Variants in PLXNA4 observed in about 807,000 individuals in gnomAD.
PLXNA4 encodes the protein plexin A4.
In PLXNA4, 44 loss-of-function variants were observed where a neutral mutation model predicts 191.8. That is an observed-to-expected ratio of 0.23 (90% confidence interval 0.18 to 0.29). The LOEUF (loss-of-function observed/expected upper bound fraction) is 0.29, where lower values mean the gene tolerates loss of function less well. PLXNA4 is among the 10% of genes least tolerant of loss of function. The pLI, the probability that PLXNA4 is intolerant of heterozygous loss-of-function variation, is 1.00. For synonymous variants in PLXNA4, 1,082 were observed against 1,009.5 expected (o/e 1.07, Z -1.36); for missense variants, 1,800 against 2,488.8 (o/e 0.72, Z 5.89).
At chr7:132,419,019 C>T (rs1053794559) in intron 3 of PLXNA4, among the ~76,000 whole-genome samples, 1 of 152,176 alleles carries the variant, frequency 6.6e-6, no homozygotes, top group Non-Finnish European at 1.5e-5. Flanking sequence ...GTACAGGCAC[C>T]GTCTCCTTGT....
intron 4 of PLXNA4, among the ~76,000 whole-genome samples, chr7:132,276,965 A>G (rs144020709): frequency 3.3e-5 from 5 of 152,206 alleles, no homozygotes; most frequent in African/African-American, 7.2e-5. Flanking sequence ...TCGTGGGGAG[A>G]ACAGCCATAT....
In PLXNA4 at chr7:132,354,544, G is replaced by A. The variant is rs149977130; in HGVS notation, c.1372-56322C>T. ...ATCATCAGCGCTATTTAGCTCTAACGCAGGTAGGTCACTGGAGTAGGGGCA... is the reference window on the plus strand; with the variant it reads ...ATCATCAGCGCTATTTAGCTCTAACACAGGTAGGTCACTGGAGTAGGGGCA... On this transcript the variant is annotated intron_variant, in intron 3 of 31. Transcript: ENST00000321063. 3.9e-5 allele frequency among the ~76,000 whole-genome samples: 6 copies of A among 152,268 alleles called. No homozygotes were observed. The East Asian group carries it at 7.7e-4, about 20-fold the overall frequency.
At chr7:132,547,393 A>C (rs910967618) in intron 1 of PLXNA4, among the ~76,000 whole-genome samples, 2 of 151,518 alleles carry the variant, frequency 1.3e-5, no homozygotes, top group Non-Finnish European at 2.9e-5. Flanking sequence ...GCTTTCTTAA[A>C]CCCCCCCACA....
intron 25 of PLXNA4, among the ~76,000 whole-genome samples, chr7:132,152,361 C>G (rs60997765): frequency 0.036 from 5,513 of 152,296 alleles, 171 homozygotes; most frequent in African/African-American, 0.082. Flanking sequence ...AAGGCCAGCA[C>G]CCTGGTCCCC....
intron 1 of PLXNA4, among the ~76,000 whole-genome samples, chr7:132,521,899 T>A (rs1799203020): frequency 6.6e-6 from 1 of 152,134 alleles, no homozygotes; most frequent in African/African-American, 2.4e-5. Flanking sequence ...GCCCTCTTCC[T>A]TTTTCAGGTG....
At chr7:132,327,847 C>T (rs1802432565) in intron 3 of PLXNA4, among the ~76,000 whole-genome samples, 1 of 152,170 alleles carries the variant, frequency 6.6e-6, no homozygotes, top group Admixed American at 6.5e-5. Context: ...GAGAGATTTT[C>T]AGCAAGTCCT....
intron 3 of PLXNA4, among the ~76,000 whole-genome samples, chr7:132,414,537 C>A (rs1794586754): frequency 1.3e-5 from 2 of 152,084 alleles, no homozygotes; most frequent in Non-Finnish European, 1.5e-5. Context: ...AAAAAAATAT[C>A]CACACAGAGG....
At chr7:132,486,574 C>T (rs1258124134) in intron 3 of PLXNA4, among the ~76,000 whole-genome samples, 2 of 152,202 alleles carry the variant, frequency 1.3e-5, no homozygotes, top group African/African-American at 2.4e-5. Flanking sequence ...GTTTGGCCGC[C>T]CCAGTGGCCT....
At chr7:132,552,681 T>TA (rs1262648852) in intron 1 of PLXNA4, among the ~76,000 whole-genome samples, 1 of 152,212 alleles carries the variant, frequency 6.6e-6, no homozygotes, top group African/African-American at 2.4e-5. Context: ...TTAGCACTGA[T>TA]ACTCCATTTT....
chr7:132,391,854 C>CGGT (rs1037669080), intron 3 of PLXNA4, among the ~76,000 whole-genome samples: 13 of 152,088 alleles, frequency 8.5e-5, no homozygotes, highest in Non-Finnish European at 1.8e-4. Context: ...TGGCTGGGCC[C>CGGT]GGTGGCTCAC....
chr7:132,140,563 AG>A, intron 30 of PLXNA4, 35 bp downstream of exon 30: 1 of 1,605,570 alleles, frequency 6.2e-7, no homozygotes, highest in Non-Finnish European at 8.5e-7. Flanking sequence ...GGCTCCAGCA[AG>A]GGGCCCTGAC....
chr7:132,386,999 A>G (rs191024297), intron 3 of PLXNA4, among the ~76,000 whole-genome samples: 85 of 152,336 alleles, frequency 5.6e-4, no homozygotes, highest in African/African-American at 2.0e-3. Flanking sequence ...GAAGCTGCAA[A>G]ATACAAATGC....
chr7:132,561,266 C>T (rs1437734669), intron 1 of PLXNA4, among the ~76,000 whole-genome samples: 2 of 151,974 alleles, frequency 1.3e-5, no homozygotes, highest in Admixed American at 6.6e-5. Context: ...TAAAACTCAA[C>T]TGGATGCCCC....
At chr7:132,354,701 A>G (rs148748691) in intron 3 of PLXNA4, among the ~76,000 whole-genome samples, 21 of 152,218 alleles carry the variant, frequency 1.4e-4, no homozygotes, top group African/African-American at 3.6e-4. Context: ...TTTTTCTTCA[A>G]AAAGGAAGAT....
At chr7:132,220,984 C>T (rs954386249) in intron 9 of PLXNA4, among the ~76,000 whole-genome samples, 3 of 151,462 alleles carry the variant, frequency 2.0e-5, no homozygotes, top group Non-Finnish European at 2.9e-5. Flanking sequence ...AGCTTACTTA[C>T]TTACTTACTT....
chr7:132,479,909 C>A (rs570154662), intron 3 of PLXNA4, among the ~76,000 whole-genome samples: 1 of 152,172 alleles, frequency 6.6e-6, no homozygotes, highest in Non-Finnish European at 1.5e-5. Context: ...CCACCCTCCT[C>A]GGCCTCCCAA....
At chr7:132,181,231 G>A in intron 18 of PLXNA4, 150 bp downstream of exon 18, 2 of 1,402,040 alleles carry the variant, frequency 1.4e-6, no homozygotes, top group Non-Finnish European at 1.9e-6. Context: ...TACAGACTCA[G>A]AGAGAACATT....
chr7:132,241,141 C>T lies in PLXNA4; in HGVS notation c.1529G>A (p.Cys510Tyr), dbSNP rs1292619538. The T allele has an allele frequency of 6.2e-7, 1 of 1,612,764 alleles. No homozygotes were observed. Among genetic ancestry groups the T allele is most frequent in the Non-Finnish European group, 8.5e-7 (1 of 1,179,072 alleles). The change falls in exon 5 of 32, where the codon TGT becomes TAT. Residue 510 changes from cysteine to tyrosine, a missense_variant. By Grantham distance (194) the Cys-to-Tyr change is radical. This residue lies in a region of PLXNA4 where 1,397 missense variants were observed against 1,880.4 expected (regional missense o/e 0.74). Transcript: ENST00000321063. ...RQLTRVPVES[C>Y]GQYQSCGECL... is the part of the protein sequence containing the mutation. ...CTCGCCGCAGCTCTGATACTGACCA[C>T]AGGACTCCACAGGGACTCTGGTGAG... is the stretch of plus-strand genomic sequence containing the variant.
chr7:132,559,818 A>G (rs537987529), intron 1 of PLXNA4, among the ~76,000 whole-genome samples: 5 of 152,294 alleles, frequency 3.3e-5, no homozygotes, highest in African/African-American at 1.2e-4. Flanking sequence ...TTTTTTCCCC[A>G]TGTATTGGAA....
Sources: gnomAD v4.1 joint callset for allele counts (sites outside exome capture counted in the v4.1 genomes callset) on GRCh38, gnomAD v4.1.1 for gene constraint, gnomAD v4.1.1 regional missense constraint, MANE v1.5 for transcripts, NCBI Gene and HGNC (gene_info 2026-07-23, HGNC 2026-07-21) for gene names.